Variants in PTPRD observed in about 807,000 individuals in gnomAD.
The protein encoded by PTPRD is protein tyrosine phosphatase receptor type D.
A neutral mutation model predicts 214.5 loss-of-function variants in PTPRD; 34 were observed. That is an observed-to-expected ratio of 0.16 (90% confidence interval 0.12 to 0.21). PTPRD has a LOEUF of 0.21. Ranked by LOEUF, PTPRD falls within the 10% of genes least tolerant of loss-of-function variation. PTPRD has a pLI of 1.00. For missense variants in PTPRD, 2,545 were observed against 2,398.7 expected, an observed-to-expected ratio of 1.06 and a Z score of -1.27; for synonymous variants, 1,128 against 845.7, an observed-to-expected ratio of 1.33 and a Z score of -5.79.
intron 10 of PTPRD, among the ~76,000 whole-genome samples, chr9:9,155,563 A>G (rs998438960): frequency 7.2e-5 from 11 of 152,272 alleles, no homozygotes; most frequent in Admixed American, 2.0e-4. Flanking sequence ...TTAGTGCAAG[A>G]CCTCTCAGTA....
intron 7 of PTPRD, among the ~76,000 whole-genome samples, chr9:9,578,013 T>A (rs2154308330): frequency 8.7e-6 from 1 of 115,390 alleles, no homozygotes; most frequent in South Asian, 3.2e-4. Flanking sequence ...ACTACTGCAC[T>A]CCAGCCTTGG....
rs1479126021 is a variant in PTPRD, at chr9:8,316,310, A to C, written c.*1564T>G. On this transcript the variant is annotated 3_prime_UTR_variant, in exon 46 of 46. Transcript: ENST00000381196. ...TGGAAATACGAACCAAAAGCTAAAA[A>C]GAAATGCTATTAAAATAGGCATCAA... 1 of 231,316 alleles carries C rather than the reference A, an allele frequency of 4.3e-6. No homozygotes were observed. The highest frequency in any genetic ancestry group is 1.8e-4 in the South Asian group (1 of 5,510). The allele number at this position is 231,316 out of a possible 1,614,324, so 14.3% of individuals were successfully genotyped here. A position where few individuals can be genotyped will look rare whatever the true frequency, so the allele number is the denominator to read the frequency against.
At chr9:9,068,094 T>C (rs1204830398) in intron 10 of PTPRD, among the ~76,000 whole-genome samples, 1 of 151,960 alleles carries the variant, frequency 6.6e-6, no homozygotes, top group Non-Finnish European at 1.5e-5. Flanking sequence ...ATTTAACCTT[T>C]TTTAGATTTT....
chr9:8,341,223 T>A lies in PTPRD; in HGVS notation c.4993A>T (p.Asn1665Tyr), dbSNP rs907060690. ...TTTTTGAATTTATTACATGGAAGAT[T>A]GGCACTGATAAACCTTGAGGTGTGA... ...KAHTSRFISA[N>Y]LPCNKFKNRL... Residue 1665 changes from asparagine to tyrosine, a missense_variant, in exon 41 of 46, where the codon AAT (asparagine) becomes TAT (tyrosine). Coordinates refer to ENST00000381196, the MANE Select transcript of PTPRD (RefSeq NM_002839.4). The A allele has an allele frequency of 3.1e-6, 5 of 1,612,746 alleles. No homozygotes were observed. The South Asian group carries it at 3.3e-5, about 11-fold the overall frequency.
intron 10 of PTPRD, among the ~76,000 whole-genome samples, chr9:9,076,235 GTTGT>G (rs923814978): frequency 6.6e-5 from 10 of 151,860 alleles, no homozygotes; most frequent in African/African-American, 2.4e-4. Flanking sequence ...TTTTGATGGG[GTTGT>G]TTGATTTTTT....
intron 10 of PTPRD, among the ~76,000 whole-genome samples, chr9:9,066,201 G>A (rs2099731958): frequency 6.6e-6 from 1 of 152,082 alleles, no homozygotes; most frequent in African/African-American, 2.4e-5. Flanking sequence ...CAATTAGGAT[G>A]GGTCCTTTTT....
intron 2 of PTPRD, among the ~76,000 whole-genome samples, chr9:10,527,197 C>G (rs1031308979): frequency 1.3e-5 from 2 of 152,086 alleles, no homozygotes; most frequent in Non-Finnish European, 2.9e-5. Flanking sequence ...TTTGCCATTT[C>G]TCTTCATTTC....
chr9:9,857,604 A>G (rs753769455), intron 5 of PTPRD, among the ~76,000 whole-genome samples: 16 of 152,198 alleles, frequency 1.1e-4, no homozygotes, highest in Non-Finnish European at 2.4e-4. Context: ...TATTACAGCT[A>G]GTGGAAGCTG....
At chr9:10,606,351 T>C (rs2079349120) in intron 2 of PTPRD, among the ~76,000 whole-genome samples, 1 of 151,812 alleles carries the variant, frequency 6.6e-6, no homozygotes, top group Non-Finnish European at 1.5e-5. Flanking sequence ...TCCATCCTTT[T>C]CCACTGAGTA....
intron 2 of PTPRD, among the ~76,000 whole-genome samples, chr9:10,480,381 C>A (rs2099089950): frequency 2.0e-5 from 3 of 152,064 alleles, no homozygotes; most frequent in Admixed American, 2.0e-4. Flanking sequence ...GGGAATGAAG[C>A]AAGCTAGTAT....
intron 11 of PTPRD, among the ~76,000 whole-genome samples, chr9:8,799,339 T>G (rs912101675): frequency 6.6e-6 from 1 of 152,334 alleles, no homozygotes; most frequent in East Asian, 1.9e-4. Context: ...AAAGAATCCC[T>G]GGAGGCAGCT....
intron 11 of PTPRD, among the ~76,000 whole-genome samples, chr9:8,897,955 G>T (rs2098633793): frequency 1.3e-5 from 2 of 152,280 alleles, no homozygotes; most frequent in Admixed American, 1.3e-4. Flanking sequence ...TTTGTAAACT[G>T]TAAGATGCTA....
Position 9,973,055 on chromosome 9 carries a change from A to C in PTPRD, c.-471-34445T>G, listed in dbSNP as rs1056642638. Among the ~76,000 whole-genome samples the C allele has an allele frequency of 4.6e-5, 7 of 152,258 alleles. No individual in the cohort carries two copies. The East Asian group carries it at 7.7e-4, about 17-fold the overall frequency. Reference sequence around the variant, plus strand: ...CATTAAAAACTGATATTGGAAAGTAAATTAGAAAATTCCAATAAGTCTAGA... The same window carrying C: ...CATTAAAAACTGATATTGGAAAGTACATTAGAAAATTCCAATAAGTCTAGA... On this transcript the variant is annotated intron_variant, in intron 4 of 45. Coordinates refer to ENST00000381196, the MANE Select transcript of PTPRD (RefSeq NM_002839.4).
chr9:10,016,782 G>A (rs564221862), intron 4 of PTPRD, among the ~76,000 whole-genome samples: 3 of 151,240 alleles, frequency 2.0e-5, no homozygotes, highest in South Asian at 4.2e-4. Flanking sequence ...TTCCTACCTT[G>A]GCCTCCAAAG....
At chr9:9,657,559 C>T (rs1421411814) in intron 7 of PTPRD, among the ~76,000 whole-genome samples, 1 of 152,050 alleles carries the variant, frequency 6.6e-6, no homozygotes, top group East Asian at 1.9e-4. Flanking sequence ...ATGTAACAAA[C>T]ATGCACGTTG....
chr9:10,148,613 T>C (rs1457953581), intron 3 of PTPRD, among the ~76,000 whole-genome samples: 1 of 152,156 alleles, frequency 6.6e-6, no homozygotes, highest in Non-Finnish European at 1.5e-5. Flanking sequence ...TATAAATAGG[T>C]GCTATTAACT....
At chr9:8,844,254 C>G (rs1336676356) in intron 11 of PTPRD, among the ~76,000 whole-genome samples, 2 of 152,162 alleles carry the variant, frequency 1.3e-5, no homozygotes, top group South Asian at 4.1e-4. Context: ...TCTCTCAACA[C>G]TAGTTGCAAA....
At chr9:8,432,295 A>G (rs2132246699) in intron 35 of PTPRD, among the ~76,000 whole-genome samples, 1 of 152,332 alleles carries the variant, frequency 6.6e-6, no homozygotes, top group East Asian at 1.9e-4. Context: ...AGTGTTTATA[A>G]AGACCTGCAG....
At chr9:10,238,171 T>C (rs1369014461) in intron 3 of PTPRD, among the ~76,000 whole-genome samples, 1 of 53,884 alleles carries the variant, frequency 1.9e-5, no homozygotes, top group African/African-American at 4.1e-5. Flanking sequence ...CATTTTGTCA[T>C]ACCTGCTCTA....
Sources: gnomAD v4.1 joint callset for allele counts (sites outside exome capture counted in the v4.1 genomes callset) on GRCh38, gnomAD v4.1.1 for gene constraint, MANE v1.5 for transcripts, NCBI Gene and HGNC (gene_info 2026-07-23, HGNC 2026-07-21) for gene names.